The following PARD3 variants were observed in gnomAD, a reference collection of about 807,000 sequenced individuals.
The protein encoded by PARD3 is par-3 family cell polarity regulator.
In PARD3, 75 loss-of-function variants were observed where a neutral mutation model predicts 155.4. The observed-to-expected ratio is 0.48, with a 90% CI of 0.40 to 0.58. The LOEUF (loss-of-function observed/expected upper bound fraction) is 0.58, where lower values mean the gene tolerates loss of function less well. PARD3 is among the 20% of genes least tolerant of loss of function. The pLI, the probability that PARD3 is intolerant of heterozygous loss-of-function variation, is 0.00. For synonymous variants in PARD3, 576 were observed against 610.5 expected, an observed-to-expected ratio of 0.94 and a Z score of 0.83; for missense variants, 1,642 against 1,721.7, an observed-to-expected ratio of 0.95 and a Z score of 0.82.
chr10:34,448,716 G>T (rs2076891500), intron 5 of PARD3, among the ~76,000 whole-genome samples: 1 of 151,890 alleles, frequency 6.6e-6, no homozygotes. Context: ...TGAGGTAAGA[G>T]AACACTTGAG....
chr10:34,718,967 TAAAAATA>T (rs1270667395), intron 1 of PARD3, among the ~76,000 whole-genome samples: 1 of 151,570 alleles, frequency 6.6e-6, no homozygotes, highest in Non-Finnish European at 1.5e-5. Context: ...CAAAAAAAAA[TAAAAATA>T]AAAAATAAAT....
chr10:34,678,052 T>G (rs1375523552), intron 2 of PARD3, among the ~76,000 whole-genome samples: 1 of 152,048 alleles, frequency 6.6e-6, no homozygotes, highest in Non-Finnish European at 1.5e-5. Context: ...AAAATGTTTT[T>G]TTAATTTATT....
At chr10:34,725,147 GTGTGAC>G (rs1187824864) in intron 1 of PARD3, among the ~76,000 whole-genome samples, 50 of 110,972 alleles carry the variant, frequency 4.5e-4, no homozygotes, top group African/African-American at 1.5e-3. Context: ...GTGTGTGTGT[GTGTGAC>G]AGAGAGAGAG....
intron 20 of PARD3, among the ~76,000 whole-genome samples, chr10:34,299,808 T>C (rs1392128031): frequency 2.6e-5 from 4 of 152,228 alleles, no homozygotes; most frequent in Non-Finnish European, 5.9e-5. Flanking sequence ...TTAAAGACTG[T>C]AATGGTATCT....
chr10:34,338,548 A>G (rs1354783581), intron 16 of PARD3, among the ~76,000 whole-genome samples: 1 of 152,188 alleles, frequency 6.6e-6, no homozygotes, highest in African/African-American at 2.4e-5. Flanking sequence ...AGCTGAATTT[A>G]TGATAGTCTT....
At chr10:34,333,594 CA>C (rs983743993) in intron 18 of PARD3, among the ~76,000 whole-genome samples, 2 of 151,906 alleles carry the variant, frequency 1.3e-5, no homozygotes, top group Non-Finnish European at 2.9e-5. Context: ...AAAAATTATA[CA>C]AAATGTCAAT....
chr10:34,549,609 AC>A (rs2084373653), intron 2 of PARD3, among the ~76,000 whole-genome samples: 1 of 152,148 alleles, frequency 6.6e-6, no homozygotes, highest in Non-Finnish European at 1.5e-5. Context: ...GACATTGATT[AC>A]CAGTTTAGTG....
chr10:34,191,319 T>C (rs1950697410), intron 22 of PARD3, among the ~76,000 whole-genome samples: 1 of 151,784 alleles, frequency 6.6e-6, no homozygotes, highest in African/African-American at 2.4e-5. Context: ...TCGACTATGG[T>C]GAATGTGGGG....
chr10:34,665,906 A>G (rs1188071963), intron 2 of PARD3, among the ~76,000 whole-genome samples: 6 of 147,262 alleles, frequency 4.1e-5, no homozygotes, highest in African/African-American at 1.0e-4. Context: ...AGAACAGAAC[A>G]AAAAGAAAAG....
chr10:34,503,011 G>A (rs572140891), intron 3 of PARD3, among the ~76,000 whole-genome samples: 2 of 152,078 alleles, frequency 1.3e-5, no homozygotes, highest in South Asian at 2.1e-4. Context: ...ATGCCTCAGT[G>A]TCCTTGTTTC....
intron 3 of PARD3, among the ~76,000 whole-genome samples, chr10:34,511,861 G>C (rs576837120): frequency 1.8e-4 from 28 of 152,032 alleles, no homozygotes; most frequent in Non-Finnish European, 3.2e-4. Context: ...GAGCCACAGC[G>C]AGTGCAGTCA....
intron 1 of PARD3, among the ~76,000 whole-genome samples, chr10:34,799,389 G>A (rs768388554): frequency 7.2e-5 from 11 of 152,170 alleles, no homozygotes; most frequent in Non-Finnish European, 1.0e-4. Flanking sequence ...CCCCGAGATT[G>A]TACATTTCCA....
intron 1 of PARD3, among the ~76,000 whole-genome samples, chr10:34,701,837 G>A (rs2094285889): frequency 6.6e-6 from 1 of 152,098 alleles, no homozygotes; most frequent in Admixed American, 6.5e-5. Flanking sequence ...GGGGTTCGAG[G>A]CTACAGTGAG....
At chr10:34,745,957 C>G (rs1156338189) in intron 1 of PARD3, among the ~76,000 whole-genome samples, 1 of 152,070 alleles carries the variant, frequency 6.6e-6, no homozygotes, top group Non-Finnish European at 1.5e-5. Flanking sequence ...AAAAAATTAG[C>G]CGGGCATGGT....
chr10:34,289,334 C>T (rs569698871), intron 20 of PARD3, among the ~76,000 whole-genome samples: 3 of 152,010 alleles, frequency 2.0e-5, no homozygotes, highest in East Asian at 1.9e-4. Context: ...GGACTACAGT[C>T]GTGCGCCACC....
intron 1 of PARD3, among the ~76,000 whole-genome samples, chr10:34,740,812 A>G (rs1334077551): frequency 6.6e-6 from 1 of 152,206 alleles, no homozygotes; most frequent in Non-Finnish European, 1.5e-5. Context: ...AAATTGATAA[A>G]GCCTACTAAT....
chr10:34,254,758 G>A (rs1025805827), intron 22 of PARD3, among the ~76,000 whole-genome samples: 1 of 152,120 alleles, frequency 6.6e-6, no homozygotes, highest in African/African-American at 2.4e-5. Flanking sequence ...GGGTGACCCT[G>A]AGGGGTGAAT....
In PARD3 at chr10:34,131,511, A is replaced by C; in HGVS notation, c.3492T>G (p.Asp1164Glu). The change falls in exon 23 of 25, where the codon GAT becomes GAG. Residue 1164 changes from aspartate to glutamate, a missense_variant. Asp to Glu is a conservative substitution (Grantham distance 45, BLOSUM62 2). Around this residue, in one of 3 missense-constraint regions of PARD3, gnomAD observed 1,529 missense variants for 1,587.3 expected, o/e 0.96. Coordinates refer to ENST00000374788, the MANE Select transcript of PARD3 (RefSeq NM_001184785.2). ...LRQEFQQAKQ[D>E]EDVEDRRRTY... ...TCCGCCGACGATCTTCTACATCTTC[A>C]TCTTGCTTTGCTTGCTGAAATTCTT... The C allele has an allele frequency of 1.9e-6, 3 of 1,614,106 alleles. No homozygotes were observed. Among genetic ancestry groups the C allele is most frequent in the Non-Finnish European group, 2.5e-6 (3 of 1,179,972 alleles).
At chr10:34,236,518 T>C (rs781302532) in intron 22 of PARD3, among the ~76,000 whole-genome samples, 2 of 152,230 alleles carry the variant, frequency 1.3e-5, no homozygotes, top group Non-Finnish European at 2.9e-5. Flanking sequence ...TATAAAAATA[T>C]TCTTTTCCTT....
Sources: allele counts gnomAD v4.1 joint callset (sites outside exome capture counted in the v4.1 genomes callset), GRCh38; gene constraint gnomAD v4.1.1; regional missense constraint gnomAD v4.1.1; transcripts MANE v1.5; gene names NCBI Gene and HGNC (gene_info 2026-07-23, HGNC 2026-07-21).